WFDC8: variants seen among roughly 807,000 people sequenced by gnomAD.
The protein encoded by WFDC8 is WAP four-disulfide core domain protein 8.
WFDC8 carries 24 observed loss-of-function variants against 27.0 expected under a neutral mutation model. The observed-to-expected ratio is 0.89, with a 90% CI of 0.64 to 1.25. The LOEUF (loss-of-function observed/expected upper bound fraction) is 1.25, where lower values mean the gene tolerates loss of function less well. Ranked by LOEUF, WFDC8 falls within the 50% of genes most tolerant of loss-of-function variation. The pLI, the probability that WFDC8 is intolerant of heterozygous loss-of-function variation, is 0.00. For synonymous variants in WFDC8, 106 were observed against 99.7 expected (o/e 1.06, Z -0.38); for missense variants, 287 against 295.9 (o/e 0.97, Z 0.22).
At chr20:45,555,994 A>G (rs74872912) in intron 3 of WFDC8, 126 bp from the exon 4 acceptor site, 18 of 839,798 alleles carry the variant, frequency 2.1e-5, no homozygotes, top group South Asian at 4.0e-5. Flanking sequence ...ATGGCAGGGG[A>G]AAAAAAAAGG....
chr20:45,554,694 T>G (rs1177701908), intron 4 of WFDC8, among the ~76,000 whole-genome samples: 1 of 152,170 alleles, frequency 6.6e-6, no homozygotes, highest in African/African-American at 2.4e-5. Context: ...CACAGCACCA[T>G]GATTCCTTAG....
chr20:45,568,857 A>G (rs1980773949), intron 1 of WFDC8: 1 of 296,540 alleles, frequency 3.4e-6, no homozygotes, highest in Non-Finnish European at 7.0e-6. Flanking sequence ...TGAAAGAAAT[A>G]TGCAGTCATC....
rs1980218969 is a variant in WFDC8 at position 45,555,757 on chromosome 20, C to T, written c.389G>A (p.Gly130Glu). 6.2e-7 allele frequency: 1 copy of T among 1,613,330 alleles called. No homozygotes were observed. Among genetic ancestry groups the T allele is most frequent in the Non-Finnish European group, 8.5e-7 (1 of 1,180,018 alleles). ...CTCATTTAAGAAGTTGTTGGCATTCCCTTCGCAGCCCCTGTATTTGAAGGG... is the reference window on the plus strand; with the variant it reads ...CTCATTTAAGAAGTTGTTGGCATTCTCTTCGCAGCCCCTGTATTTGAAGGG... ...CTPFKYRGCE[G>E]NANNFLNEDA... Residue 130 changes from glycine (G) to glutamate (E), a missense_variant, in exon 4 of 6, where the codon GGG (glycine) becomes GAG (glutamate). Coordinates refer to ENST00000289953, the MANE Select transcript of WFDC8 (RefSeq NM_130896.3).
At chr20:45,571,014 T>C (rs527562740) in intron 1 of WFDC8, among the ~76,000 whole-genome samples, 11 of 152,342 alleles carry the variant, frequency 7.2e-5, no homozygotes, top group African/African-American at 2.2e-4. Flanking sequence ...TCAAATCCAG[T>C]TGGTTCCTTG....
At chr20:45,556,592 G>A (rs62205620) in intron 3 of WFDC8, among the ~76,000 whole-genome samples, 58,740 of 151,966 alleles carry the variant, frequency 0.39, 11,831 homozygotes, top group Non-Finnish European at 0.43. Context: ...ACTGAGAGCA[G>A]TCATCAAAGT....
chr20:45,576,327 C>T (rs1981044899), intron 1 of WFDC8, among the ~76,000 whole-genome samples: 1 of 151,012 alleles, frequency 6.6e-6, no homozygotes, highest in Non-Finnish European at 1.5e-5. Flanking sequence ...AAATGTATTC[C>T]TGGTGAACTG....
chr20:45,577,494 G>A (rs1055442546), intron 1 of WFDC8, among the ~76,000 whole-genome samples: 4 of 149,982 alleles, frequency 2.7e-5, no homozygotes, highest in Admixed American at 6.6e-5. Context: ...CGCCTTCTGG[G>A]TTCAAGTGAT....
At chr20:45,567,466 A>T (rs1276746801) in intron 1 of WFDC8, among the ~76,000 whole-genome samples, 3 of 152,248 alleles carry the variant, frequency 2.0e-5, no homozygotes, top group Non-Finnish European at 4.4e-5. Context: ...ACATGCAGAC[A>T]TGTAACACAG....
intron 1 of WFDC8, among the ~76,000 whole-genome samples, chr20:45,575,777 C>T (rs143551549): frequency 1.4e-4 from 21 of 151,390 alleles, no homozygotes; most frequent in African/African-American, 4.6e-4. Context: ...TATTACATCT[C>T]GCTACCCTCT....
intron 1 of WFDC8, among the ~76,000 whole-genome samples, chr20:45,565,021 A>AGAAAGAAAGG (rs1980618796): frequency 6.8e-6 from 1 of 146,648 alleles, no homozygotes; most frequent in African/African-American, 2.5e-5. Flanking sequence ...AAAGAGAAAG[A>AGAAAGAAAGG]AAGGAAGGAA....
At chr20:45,563,964 A>G (rs1980556383) in intron 1 of WFDC8, among the ~76,000 whole-genome samples, 1 of 152,236 alleles carries the variant, frequency 6.6e-6, no homozygotes. Context: ...GCATAAGTAT[A>G]TCCCATGCAA....
chr20:45,562,707 T>G (rs777202481), intron 1 of WFDC8, among the ~76,000 whole-genome samples: 3 of 152,162 alleles, frequency 2.0e-5, no homozygotes, highest in Non-Finnish European at 4.4e-5. Context: ...CAGATGACCT[T>G]GGGTTAACAG....
At chr20:45,555,238 A>G (rs552203440) in intron 4 of WFDC8, among the ~76,000 whole-genome samples, 3 of 152,312 alleles carry the variant, frequency 2.0e-5, no homozygotes, top group African/African-American at 7.2e-5. Flanking sequence ...CATTATACTA[A>G]GGAATGAATC....
rs1488039389 is a variant in WFDC8, at chr20:45,568,431, C to T, written c.27-6212G>A. ...CACAGAGGTCAATTCAACATCCTGGCTCTGTATTTGCTGAGTGTATGTCTT... is the reference window on the plus strand; with the variant it reads ...CACAGAGGTCAATTCAACATCCTGGTTCTGTATTTGCTGAGTGTATGTCTT... On this transcript the variant is annotated intron_variant, in intron 1 of 5. Coordinates refer to ENST00000289953, the MANE Select transcript of WFDC8 (RefSeq NM_130896.3). 4 of 264,706 alleles carry T rather than the reference C, an allele frequency of 1.5e-5. No individual in the cohort carries two copies. The Admixed American group carries it at 1.7e-4, about 11-fold the overall frequency. 16.4% of individuals were successfully genotyped at this position (264,706 alleles called of 1,614,324 possible). A position where few individuals can be genotyped will look rare whatever the true frequency, so the allele number is the denominator to read the frequency against.
chr20:45,559,544 A>G (rs1980390404), intron 2 of WFDC8, among the ~76,000 whole-genome samples: 1 of 152,132 alleles, frequency 6.6e-6, no homozygotes, highest in Non-Finnish European at 1.5e-5. Context: ...CTAACCAACT[A>G]AATAATCTTG....
chr20:45,567,670 C>T (rs188514190), intron 1 of WFDC8, among the ~76,000 whole-genome samples: 1 of 152,308 alleles, frequency 6.6e-6, no homozygotes, highest in East Asian at 1.9e-4. Flanking sequence ...CCACTCTCCA[C>T]CGCCACTGAA....
intron 1 of WFDC8, among the ~76,000 whole-genome samples, 196 bp from the exon 2 acceptor site, chr20:45,562,415 C>T (rs549880043): frequency 2.0e-5 from 3 of 152,134 alleles, no homozygotes; most frequent in Non-Finnish European, 4.4e-5. Flanking sequence ...GTTTCAGGAC[C>T]CTGACCAATC....
chr20:45,575,525 A>G (rs976929630), intron 1 of WFDC8, among the ~76,000 whole-genome samples: 13 of 151,594 alleles, frequency 8.6e-5, no homozygotes, highest in African/African-American at 2.9e-4. Context: ...ACATAAATAA[A>G]TGAAAAGATA....
chr20:45,578,475 T>A (rs937309604), intron 1 of WFDC8, among the ~76,000 whole-genome samples: 5 of 151,420 alleles, frequency 3.3e-5, no homozygotes, highest in African/African-American at 1.2e-4. Context: ...AAGCAGCCTC[T>A]ATGTGGATTA....
Sources: allele counts gnomAD v4.1 joint callset (sites outside exome capture counted in the v4.1 genomes callset), GRCh38; gene constraint gnomAD v4.1.1; transcripts MANE v1.5; gene names NCBI Gene and HGNC (gene_info 2026-07-23, HGNC 2026-07-21).